CRISPLD2: variants seen among roughly 807,000 people sequenced by gnomAD.
CRISPLD2 encodes cysteine-rich secretory protein LCCL domain-containing 2.
A neutral mutation model predicts 71.1 loss-of-function variants in CRISPLD2; 47 were observed. The ratio of observed to expected loss-of-function variants is 0.66; its 90% CI spans 0.52 to 0.84. The LOEUF (loss-of-function observed/expected upper bound fraction) is 0.84, where lower values mean the gene tolerates loss of function less well. Ranked by LOEUF, CRISPLD2 falls within the 40% of genes least tolerant of loss-of-function variation. The pLI, the probability that CRISPLD2 is intolerant of heterozygous loss-of-function variation, is 0.00. For synonymous variants in CRISPLD2, 317 were observed against 250.1 expected (o/e 1.27, Z -2.52); for missense variants, 830 against 651.1 (o/e 1.27, Z -2.99).
At chr16:84,838,799 C>T in intron 2 of CRISPLD2, 64 bp downstream of exon 2, 1 of 1,551,232 alleles carries the variant, frequency 6.4e-7, no homozygotes, top group South Asian at 1.2e-5. Context: ...CCAGCCTGCT[C>T]TGTTCCCCAG....
chr16:84,847,811 G>A (rs1328145511), intron 3 of CRISPLD2, among the ~76,000 whole-genome samples: 3 of 152,186 alleles, frequency 2.0e-5, no homozygotes, highest in African/African-American at 7.2e-5. Context: ...ACTGTAGCCT[G>A]GATCACTTTG....
intron 8 of CRISPLD2, among the ~76,000 whole-genome samples, chr16:84,871,618 C>G (rs932597512): frequency 6.6e-6 from 1 of 151,938 alleles, no homozygotes; most frequent in Non-Finnish European, 1.5e-5. Flanking sequence ...GTGGCACGAT[C>G]TTTGCTCACT....
intron 6 of CRISPLD2, among the ~76,000 whole-genome samples, chr16:84,862,053 G>C (rs1406671090): frequency 6.6e-6 from 1 of 152,208 alleles, no homozygotes; most frequent in Non-Finnish European, 1.5e-5. Context: ...CTCCCGGGCT[G>C]TTTGACCCTT....
chr16:84,873,372 C>A (rs1203698906), intron 10 of CRISPLD2: 1 of 279,032 alleles, frequency 3.6e-6, no homozygotes, highest in East Asian at 9.5e-5. Flanking sequence ...CAGCTACTCT[C>A]AGGAGGCTAC....
At chr16:84,902,887 C>G (rs904247870) in intron 14 of CRISPLD2, among the ~76,000 whole-genome samples, 4 of 150,856 alleles carry the variant, frequency 2.7e-5, no homozygotes, top group African/African-American at 9.8e-5. Flanking sequence ...ATTCTCCTGC[C>G]TCAGCCTCCC....
At chr16:84,883,506 C>G (rs755560907) in intron 13 of CRISPLD2, among the ~76,000 whole-genome samples, 23 of 152,224 alleles carry the variant, frequency 1.5e-4, no homozygotes, top group Non-Finnish European at 3.2e-4. Context: ...CCTCCCCATC[C>G]CACTTGGTGC....
Position 84,845,847 on chromosome 16 carries a change from A to T in CRISPLD2, c.302A>T (p.His101Leu). Residue 101 changes from histidine (H) to leucine (L), a missense_variant, in exon 3 of 15, where the codon CAC becomes CTC. Coordinates refer to ENST00000262424, the MANE Select transcript of CRISPLD2 (RefSeq NM_031476.4). ...AAWASQCIWEHGPTSLLVSIG... is the reference protein window; with the variant it reads ...AAWASQCIWELGPTSLLVSIG... ...TGGGCCAGTCAGTGCATCTGGGAGC[A>T]CGGGCCCACCAGTCTGCTGGTGTCC... is the stretch of plus-strand genomic sequence containing the variant. 1.2e-6 allele frequency: 2 copies of T among 1,614,108 alleles called. No homozygotes were observed. Among genetic ancestry groups the T allele is most frequent in the Non-Finnish European group, 1.7e-6 (2 of 1,179,962 alleles).
intron 1 of CRISPLD2, among the ~76,000 whole-genome samples, chr16:84,837,707 GC>G (rs1203036904): frequency 6.6e-6 from 1 of 152,120 alleles, no homozygotes; most frequent in Non-Finnish European, 1.5e-5. Flanking sequence ...GTGAGCCACC[GC>G]CCCCGGCCAG....
At chr16:84,880,308 G>A (rs2071557121) in intron 12 of CRISPLD2, among the ~76,000 whole-genome samples, 1 of 152,154 alleles carries the variant, frequency 6.6e-6, no homozygotes, top group African/African-American at 2.4e-5. Flanking sequence ...TATCTACACT[G>A]TTTAAGAGAA....
At chr16:84,849,968 C>G (rs953787100) in intron 4 of CRISPLD2, among the ~76,000 whole-genome samples, 23 of 151,330 alleles carry the variant, frequency 1.5e-4, no homozygotes, top group Admixed American at 3.3e-4. Context: ...TCATGCAATC[C>G]TCCCCGCTCA....
At position 84,868,866 on chromosome 16, in the gene CRISPLD2, G is replaced by A. The variant is rs148934412; in HGVS notation, c.869G>A (p.Cys290Tyr). 7.0e-4 allele frequency: 1,126 copies of A among 1,612,058 alleles called. No homozygotes were observed. The highest frequency in any genetic ancestry group is 9.2e-4 in the Non-Finnish European group (1,081 of 1,179,168). ...TCTCTCCTAGCCCAAGTCGTCAGATGTGACACCAAGATGAAGGACAGGTGC... is the reference window on the plus strand; with the variant it reads ...TCTCTCCTAGCCCAAGTCGTCAGATATGACACCAAGATGAAGGACAGGTGC... Reference protein sequence around the residue: ...AVNYMTQVVRCDTKMKDRCKG... With the variant: ...AVNYMTQVVRYDTKMKDRCKG... The change falls in exon 8 of 15, where the codon TGT (cysteine) becomes TAT (tyrosine). Residue 290 changes from cysteine to tyrosine, a missense_variant. Physicochemically the swap from Cys to Tyr is radical, Grantham distance 194. Coordinates refer to ENST00000262424, the MANE Select transcript of CRISPLD2 (RefSeq NM_031476.4).
At chr16:84,836,071 TGAAAAC>T (rs1369560213) in intron 1 of CRISPLD2, 1 of 152,218 alleles carries the variant, frequency 6.6e-6, no homozygotes, top group Non-Finnish European at 1.5e-5. Context: ...CAAAACATAG[TGAAAAC>T]TTTGTTCCAT....
intron 2 of CRISPLD2, among the ~76,000 whole-genome samples, chr16:84,845,334 C>T (rs1384094031): frequency 1.3e-5 from 2 of 152,134 alleles, no homozygotes; most frequent in African/African-American, 4.8e-5. Flanking sequence ...GCCTGGTGTG[C>T]CTGGATCATG....
intron 14 of CRISPLD2, among the ~76,000 whole-genome samples, chr16:84,890,402 G>T (rs766829491): frequency 6.6e-6 from 1 of 151,864 alleles, no homozygotes; most frequent in African/African-American, 2.4e-5. Context: ...TGCAAATGAG[G>T]GTTATGTTGA....
intron 12 of CRISPLD2, among the ~76,000 whole-genome samples, 189 bp from the exon 13 acceptor site, chr16:84,880,320 C>T (rs1029564609): frequency 1.3e-5 from 2 of 152,098 alleles, no homozygotes; most frequent in African/African-American, 4.8e-5. Flanking sequence ...TTAAGAGAAG[C>T]AAAAATAGTA....
chr16:84,902,394 G>C (rs927090537), intron 14 of CRISPLD2, among the ~76,000 whole-genome samples: 2 of 151,690 alleles, frequency 1.3e-5, no homozygotes, highest in Non-Finnish European at 2.9e-5. Context: ...TGGATCGCAA[G>C]GTCAGGACAT....
chr16:84,858,216 A>G (rs1006515869), intron 6 of CRISPLD2, among the ~76,000 whole-genome samples: 1 of 152,194 alleles, frequency 6.6e-6, no homozygotes, highest in Non-Finnish European at 1.5e-5. Flanking sequence ...CGTATGGCCC[A>G]AGTGGTAGAG....
chr16:84,855,171 G>A (rs1361495147), intron 6 of CRISPLD2, among the ~76,000 whole-genome samples: 15 of 152,172 alleles, frequency 9.9e-5, no homozygotes. Flanking sequence ...GCCACGGGCT[G>A]GACATCGTGG....
At chr16:84,839,952 A>G (rs923869) in intron 2 of CRISPLD2, 119,576 of 151,034 alleles carry the variant, frequency 0.79, 47,810 homozygotes, top group African/African-American at 0.87. Flanking sequence ...CTGGGAAGTC[A>G]AGGCTGCAGT....
Sources: allele counts gnomAD v4.1 joint callset (sites outside exome capture counted in the v4.1 genomes callset), GRCh38; gene constraint gnomAD v4.1.1; transcripts MANE v1.5; gene names NCBI Gene and HGNC (gene_info 2026-07-23, HGNC 2026-07-21).